The following NDST3 variants were observed in gnomAD, a reference collection of about 807,000 sequenced individuals.
NDST3 encodes bifunctional heparan sulfate N-deacetylase/N-sulfotransferase 3.
NDST3 carries 58 observed loss-of-function variants against 96.1 expected under a neutral mutation model. That is an observed-to-expected ratio of 0.60 (90% CI 0.49 to 0.75). NDST3 has a LOEUF of 0.75. Among genes scored for constraint, NDST3 ranks in the 30% least tolerant of loss-of-function variants. The pLI is 0.00. For synonymous variants in NDST3, 333 were observed against 359.7 expected, an observed-to-expected ratio of 0.93 and a Z score of 0.84; for missense variants, 788 against 1,034.2, an observed-to-expected ratio of 0.76 and a Z score of 3.27.
At chr4:118,047,059 G>A (rs1724810315) in intron 1 of NDST3, among the ~76,000 whole-genome samples, 1 of 152,148 alleles carries the variant, frequency 6.6e-6, no homozygotes, top group African/African-American at 2.4e-5. Context: ...AAATACAGAG[G>A]AGCCATGCAG....
chr4:118,186,069 A>G (rs1250144163), intron 6 of NDST3, among the ~76,000 whole-genome samples: 1 of 152,300 alleles, frequency 6.6e-6, no homozygotes, highest in African/African-American at 2.4e-5. Flanking sequence ...GGTAACGGTC[A>G]GAGGAGAGGG....
chr4:118,164,662 A>G (rs1735424295), intron 6 of NDST3, among the ~76,000 whole-genome samples: 1 of 152,176 alleles, frequency 6.6e-6, no homozygotes, highest in South Asian at 2.1e-4. Context: ...GGTAAAGGTA[A>G]ATATACAGAA....
chr4:118,033,548 T>A (rs1019617245), upstream of NDST3: 6 of 151,016 alleles, frequency 4.0e-5, no homozygotes, highest in African/African-American at 1.5e-4. Context: ...TCCCGCTCCC[T>A]CCCCTTCCCC....
chr4:118,056,323 C>A (rs1345013719), intron 2 of NDST3, among the ~76,000 whole-genome samples: 1 of 151,850 alleles, frequency 6.6e-6, no homozygotes, highest in Admixed American at 6.6e-5. Flanking sequence ...ATACAAAATA[C>A]AAAATGCCAT....
At chr4:118,147,831 C>G (rs1202894493) in intron 6 of NDST3, among the ~76,000 whole-genome samples, 1 of 152,138 alleles carries the variant, frequency 6.6e-6, no homozygotes, top group East Asian at 1.9e-4. Context: ...GTTCTTATCT[C>G]TAATCACAAG....
intron 2 of NDST3, among the ~76,000 whole-genome samples, chr4:118,080,718 A>C (rs1578597818): frequency 6.6e-6 from 1 of 152,098 alleles, no homozygotes; most frequent in South Asian, 2.1e-4. Context: ...AGTAATACAC[A>C]TAGGCTCCCT....
chr4:118,067,072 A>C (rs974875823), intron 2 of NDST3, among the ~76,000 whole-genome samples: 2 of 150,488 alleles, frequency 1.3e-5, no homozygotes, highest in Admixed American at 6.7e-5. Context: ...TGAATAAATG[A>C]ATTCAAGTGG....
intron 1 of NDST3, among the ~76,000 whole-genome samples, chr4:118,044,649 G>A (rs551109273): frequency 5.3e-5 from 8 of 152,320 alleles, no homozygotes; most frequent in Admixed American, 5.2e-4. Flanking sequence ...AGAAAGTTGT[G>A]TGTCTCTAAC....
chr4:118,157,229 C>T (rs185435852), intron 6 of NDST3, among the ~76,000 whole-genome samples: 79 of 151,348 alleles, frequency 5.2e-4, no homozygotes, highest in African/African-American at 1.7e-3. Flanking sequence ...CCTACTTGTA[C>T]GAAAAGAAAT....
At chr4:118,194,583 T>G (rs1490611651) in intron 6 of NDST3, 1 of 728,990 alleles carries the variant, frequency 1.4e-6, no homozygotes, top group Non-Finnish European at 2.6e-6. Context: ...AGCCAGCCAG[T>G]GTAGTGGACA....
At chr4:118,193,989 C>G in intron 6 of NDST3, 1 of 1,083,182 alleles carries the variant, frequency 9.2e-7, no homozygotes, top group Non-Finnish European at 1.4e-6. Flanking sequence ...TCCAGCTTCT[C>G]TTCTGAATTC....
At chr4:118,248,022 G>A (rs565406387) in intron 12 of NDST3, among the ~76,000 whole-genome samples, 10 of 152,230 alleles carry the variant, frequency 6.6e-5, no homozygotes, top group South Asian at 4.2e-4. Flanking sequence ...CGATTAACCC[G>A]CACGAGGGTA....
At chr4:118,161,671 C>T (rs181774544) in intron 6 of NDST3, among the ~76,000 whole-genome samples, 10 of 152,268 alleles carry the variant, frequency 6.6e-5, no homozygotes, top group East Asian at 5.8e-4. Flanking sequence ...TAGGACCCTC[C>T]GAGCCATGTG....
At chr4:118,092,818 T>C (rs1346404356) in intron 2 of NDST3, among the ~76,000 whole-genome samples, 1 of 151,840 alleles carries the variant, frequency 6.6e-6, no homozygotes, top group East Asian at 1.9e-4. Flanking sequence ...GTATATAGCA[T>C]AACGTATCAG....
At chr4:118,249,836 T>G (rs1263656217) in intron 12 of NDST3, among the ~76,000 whole-genome samples, 1 of 152,032 alleles carries the variant, frequency 6.6e-6, no homozygotes, top group African/African-American at 2.4e-5. Flanking sequence ...AATTGTGCAG[T>G]TCAATGAATA....
intron 4 of NDST3, among the ~76,000 whole-genome samples, chr4:118,125,385 A>G (rs759157774): frequency 2.6e-5 from 4 of 152,088 alleles, no homozygotes; most frequent in Admixed American, 1.3e-4. Context: ...CATTGTCATC[A>G]CAGAAATTTT....
intron 6 of NDST3, chr4:118,194,821 C>T (rs1737562026): frequency 8.3e-6 from 3 of 361,276 alleles, no homozygotes; most frequent in Non-Finnish European, 1.0e-5. Context: ...GGCAGGGGTG[C>T]TACCTTCAGG....
intron 2 of NDST3, among the ~76,000 whole-genome samples, chr4:118,083,848 G>A (rs186808939): frequency 6.6e-6 from 1 of 152,182 alleles, no homozygotes; most frequent in East Asian, 1.9e-4. Context: ...ACTCTAGTCT[G>A]ACTCTGTGCC....
intron 4 of NDST3, among the ~76,000 whole-genome samples, chr4:118,118,717 G>A (rs1453120758): frequency 6.6e-6 from 1 of 152,048 alleles, no homozygotes; most frequent in Non-Finnish European, 1.5e-5. Flanking sequence ...GATAATTCAG[G>A]GGTTAAACTG....
Sources: allele counts gnomAD v4.1 joint callset (sites outside exome capture counted in the v4.1 genomes callset), GRCh38; gene constraint gnomAD v4.1.1; transcripts MANE v1.5; gene names NCBI Gene and HGNC (gene_info 2026-07-23, HGNC 2026-07-21).